The following CLVS2 variants were observed in gnomAD, a reference collection of about 807,000 sequenced individuals.
CLVS2 encodes the protein clavesin-2.
A neutral mutation model predicts 29.0 loss-of-function variants in CLVS2; 19 were observed. The observed-to-expected ratio is 0.66, with a 90% CI of 0.46 to 0.96. CLVS2 has a LOEUF of 0.96. Among genes scored for constraint, CLVS2 ranks in the 40% least tolerant of loss-of-function variants. The pLI, the probability that CLVS2 is intolerant of heterozygous loss-of-function variation, is 0.00. For missense variants in CLVS2, 294 were observed against 404.1 expected, an observed-to-expected ratio of 0.73 and a Z score of 2.34; for synonymous variants, 161 against 151.3, an observed-to-expected ratio of 1.06 and a Z score of -0.47.
At chr6:123,010,784 G>A (rs1413467821) in intron 2 of CLVS2, among the ~76,000 whole-genome samples, 1 of 151,936 alleles carries the variant, frequency 6.6e-6, no homozygotes, top group African/African-American at 2.4e-5. Context: ...ATTTGTTTGG[G>A]CAGAATACAT....
Position 123,068,306 on chromosome 6 carries a change from T to G in CLVS2, c.*4545T>G, listed in dbSNP as rs1372110490. On this transcript the variant is annotated 3_prime_UTR_variant, in exon 6 of 6. Coordinates refer to ENST00000275162, the MANE Select transcript of CLVS2 (RefSeq NM_001010852.4). ...TGGTAAATAATGGAAATTGTTAAAA[T>G]TTAGAAGAGTTTTGTCATTATTTGA... is the stretch of plus-strand genomic sequence containing the variant. The G allele has an allele frequency of 6.6e-6, 1 of 151,618 alleles. No homozygotes were observed. Among genetic ancestry groups the G allele is most frequent in the Non-Finnish European group, 1.5e-5 (1 of 67,684 alleles). 9.4% of individuals were successfully genotyped at this position (151,618 alleles called of 1,614,324 possible).
intron 3 of CLVS2, among the ~76,000 whole-genome samples, chr6:123,042,062 T>G (rs2114347085): frequency 1.3e-5 from 2 of 152,326 alleles, no homozygotes; most frequent in African/African-American, 4.8e-5. Flanking sequence ...AAATCCATAT[T>G]ATTTCTTAAA....
chr6:123,016,290 C>G (rs1220674033), intron 3 of CLVS2, among the ~76,000 whole-genome samples: 1 of 132,560 alleles, frequency 7.5e-6, no homozygotes, highest in Non-Finnish European at 1.5e-5. Flanking sequence ...TTTAGAAATA[C>G]CTACAATCTC....
chr6:123,021,340 T>C (rs1014966883), intron 3 of CLVS2, among the ~76,000 whole-genome samples: 2 of 152,056 alleles, frequency 1.3e-5, no homozygotes, highest in African/African-American at 4.8e-5. Flanking sequence ...AAAGATTTTA[T>C]TACCTTTTTT....
intron 5 of CLVS2, among the ~76,000 whole-genome samples, chr6:123,060,552 C>A (rs1049771296): frequency 5.9e-5 from 9 of 152,110 alleles, no homozygotes; most frequent in Admixed American, 4.6e-4. Flanking sequence ...GTAGTAGTAT[C>A]CCCATTTTAT....
chr6:123,048,573 C>A, intron 3 of CLVS2, 49 bp from the exon 4 acceptor site: 1 of 1,225,548 alleles, frequency 8.2e-7, no homozygotes, highest in Non-Finnish European at 1.2e-6. Flanking sequence ...TAAACCTTCT[C>A]AGTCTATTAA....
intron 3 of CLVS2, among the ~76,000 whole-genome samples, chr6:123,021,060 T>G (rs77348270): frequency 0.39 from 57,677 of 148,442 alleles, 11,417 homozygotes; most frequent in South Asian, 0.47. Flanking sequence ...ATGGGGGGGG[T>G]AAAATTGCAG....
Position 122,997,823 on chromosome 6 carries a change from G to A in CLVS2, c.46G>A (p.Ala16Thr). Residue 16 changes from alanine (A) to threonine (T), a missense_variant, in exon 2 of 6, where the codon GCT becomes ACT. Coordinates refer to ENST00000275162, the MANE Select transcript of CLVS2 (RefSeq NM_001010852.4). Reference sequence around the variant, plus strand: ...TCTCTCCCCTGAGACCCTGGAGAAAGCTCGCCTGGAGCTCAATGAAAACCC... The same window carrying A: ...TCTCTCCCCTGAGACCCTGGAGAAAACTCGCCTGGAGCTCAATGAAAACCC... Reference protein sequence around the residue: ...AGLSPETLEKARLELNENPDT... With the variant: ...AGLSPETLEKTRLELNENPDT... 1 of 1,614,120 alleles carries A rather than the reference G, an allele frequency of 6.2e-7. No individual in the cohort carries two copies. The highest frequency in any genetic ancestry group is 8.5e-7 in the Non-Finnish European group (1 of 1,180,004).
Position 123,071,628 on chromosome 6 carries a change from G to T in CLVS2, c.*7867G>T, listed in dbSNP as rs746518072. On this transcript the variant is annotated 3_prime_UTR_variant, in exon 6 of 6. Coordinates refer to ENST00000275162, the MANE Select transcript of CLVS2 (RefSeq NM_001010852.4). ...TCCAGTATTGGAAGCCAGTTTAAGA[G>T]AATATGACTATGTAGTTACTTTTAA... 15 of 152,074 alleles carry T rather than the reference G, an allele frequency of 9.9e-5. No individual in the cohort carries two copies. In the Middle Eastern group the frequency reaches 0.01, roughly 103 times the overall value. The allele number at this position is 152,074 out of a possible 1,614,324, so 9.4% of individuals were successfully genotyped here.
At chr6:123,021,974 C>A (rs1774931072) in intron 3 of CLVS2, among the ~76,000 whole-genome samples, 1 of 151,922 alleles carries the variant, frequency 6.6e-6, no homozygotes, top group Non-Finnish European at 1.5e-5. Flanking sequence ...TCTTTGTGTG[C>A]CCATAGGATT....
chr6:123,019,604 G>A (rs1053228276), intron 3 of CLVS2, among the ~76,000 whole-genome samples: 20 of 151,934 alleles, frequency 1.3e-4, no homozygotes, highest in African/African-American at 4.3e-4. Flanking sequence ...CTCCTGTGAT[G>A]AGTATTTCCA....
At chr6:123,044,449 T>G (rs192370303) in intron 3 of CLVS2, among the ~76,000 whole-genome samples, 30 of 152,034 alleles carry the variant, frequency 2.0e-4, no homozygotes, top group Non-Finnish European at 4.3e-4. Context: ...ATGGCCTGTG[T>G]TTTTTTCCAG....
chr6:123,042,120 G>A (rs906030391), intron 3 of CLVS2, among the ~76,000 whole-genome samples: 1 of 152,016 alleles, frequency 6.6e-6, no homozygotes, highest in African/African-American at 2.4e-5. Flanking sequence ...ATGAATATGT[G>A]ATTCATGTGC....
At chr6:123,041,556 A>G (rs1393477402) in intron 3 of CLVS2, among the ~76,000 whole-genome samples, 1 of 152,248 alleles carries the variant, frequency 6.6e-6, no homozygotes, top group Non-Finnish European at 1.5e-5. Flanking sequence ...GAATTCCCTT[A>G]AAGGAGAGTG....
chr6:123,010,962 T>C (rs1470054425), intron 2 of CLVS2, 23 bp from the exon 3 acceptor site: 2 of 1,414,932 alleles, frequency 1.4e-6, no homozygotes, highest in Non-Finnish European at 1.9e-6. Flanking sequence ...AGACCTAATT[T>C]AGTACTTTTC....
intron 3 of CLVS2, among the ~76,000 whole-genome samples, chr6:123,022,369 G>C (rs1038161820): frequency 6.6e-6 from 1 of 151,962 alleles, no homozygotes; most frequent in Non-Finnish European, 1.5e-5. Flanking sequence ...GGTAAGGAAA[G>C]TGTGCTTATT....
Position 123,065,296 on chromosome 6 carries a change from G to T in CLVS2, c.*1535G>T, listed in dbSNP as rs1049020352. 2 of 151,488 alleles carry T rather than the reference G, an allele frequency of 1.3e-5. No homozygotes were observed. The highest frequency in any genetic ancestry group is 4.8e-5 in the African/African-American group (2 of 41,318). The allele number at this position is 151,488 out of a possible 1,614,324, so 9.4% of individuals were successfully genotyped here. On this transcript the variant is annotated 3_prime_UTR_variant, in exon 6 of 6. Coordinates refer to ENST00000275162, the MANE Select transcript of CLVS2 (RefSeq NM_001010852.4). ...AGTTTACCATTAAAGTATTCTTTTG[G>T]AAGAAAAATATCTCAGAAACTCTTG...
intron 3 of CLVS2, among the ~76,000 whole-genome samples, chr6:123,042,210 A>C (rs1220389474): frequency 6.6e-6 from 1 of 152,230 alleles, no homozygotes; most frequent in Non-Finnish European, 1.5e-5. Context: ...ATATCTCTAG[A>C]GACTGATGTC....
intron 2 of CLVS2, among the ~76,000 whole-genome samples, chr6:123,001,557 C>A (rs1774589593): frequency 6.6e-6 from 1 of 152,200 alleles, no homozygotes; most frequent in African/African-American, 2.4e-5. Flanking sequence ...GATTGCCTTA[C>A]ATAATTTCTG....
Sources: gnomAD v4.1 joint callset for allele counts (sites outside exome capture counted in the v4.1 genomes callset) on GRCh38, gnomAD v4.1.1 for gene constraint, MANE v1.5 for transcripts, NCBI Gene and HGNC (gene_info 2026-07-23, HGNC 2026-07-21) for gene names.